LRRIQ1: variants seen among roughly 807,000 people sequenced by gnomAD.
The protein encoded by LRRIQ1 is leucine rich repeats and IQ motif containing 1, also known as leucine-rich repeat- and IQ domain-containing protein 1.
Under a neutral mutation model 211.9 loss-of-function variants are expected in LRRIQ1, and 210 were observed. The ratio of observed to expected loss-of-function variants is 0.99; its 90% confidence interval spans 0.89 to 1.11. The LOEUF (loss-of-function observed/expected upper bound fraction) is 1.11, where lower values mean the gene tolerates loss of function less well. Among genes scored for constraint, LRRIQ1 ranks in the 50% most tolerant of loss-of-function variants. LRRIQ1 has a pLI of 0.00. For missense variants in LRRIQ1, 2,136 were observed against 1,939.5 expected (o/e 1.10, Z -1.90); for synonymous variants, 699 against 650.1 (o/e 1.08, Z -1.14).
intron 6 of LRRIQ1, among the ~76,000 whole-genome samples, chr12:85,050,088 G>GA (rs1639922081): frequency 6.6e-6 from 1 of 152,054 alleles, no homozygotes; most frequent in African/African-American, 2.4e-5. Context: ...GATCTAATGT[G>GA]GACTCAGAGC....
chr12:85,063,413 A>C (rs1157024421), intron 8 of LRRIQ1, among the ~76,000 whole-genome samples: 1 of 151,714 alleles, frequency 6.6e-6, no homozygotes, highest in Non-Finnish European at 1.5e-5. Context: ...TTGTGGGTAC[A>C]TAGTAGGTAT....
intron 24 of LRRIQ1, among the ~76,000 whole-genome samples, chr12:85,191,852 C>T (rs1162542544): frequency 6.6e-6 from 1 of 151,894 alleles, no homozygotes; most frequent in African/African-American, 2.4e-5. Flanking sequence ...GTTTATTTTA[C>T]AATTCCTTAA....
At chr12:85,040,871 TAAAG>T (rs1235981163) in intron 3 of LRRIQ1, among the ~76,000 whole-genome samples, 1 of 151,572 alleles carries the variant, frequency 6.6e-6, no homozygotes, top group African/African-American at 2.4e-5. Flanking sequence ...TATTTTATAT[TAAAG>T]AAAATAAAAC....
intron 1 of LRRIQ1, among the ~76,000 whole-genome samples, chr12:85,261,073 C>G (rs139820482): frequency 8.1e-4 from 123 of 152,286 alleles, no homozygotes; most frequent in African/African-American, 2.9e-3. Flanking sequence ...GTTAGTCTCT[C>G]TACTGAGATT....
intron 26 of LRRIQ1, among the ~76,000 whole-genome samples, chr12:85,239,151 A>G (rs754195523): frequency 6.6e-6 from 1 of 152,138 alleles, no homozygotes; most frequent in African/African-American, 2.4e-5. Context: ...TCAAATTGTA[A>G]GAAATTAATT....
intron 24 of LRRIQ1, among the ~76,000 whole-genome samples, chr12:85,213,515 T>C (rs757479303): frequency 2.6e-5 from 4 of 151,954 alleles, no homozygotes; most frequent in Non-Finnish European, 4.4e-5. Context: ...TACAGAACAT[T>C]CAACAATTGG....
chr12:85,065,246 T>G lies in LRRIQ1; in HGVS notation c.2392-16T>G. The G allele has an allele frequency of 6.3e-7, 1 of 1,595,970 alleles. No homozygotes were observed. The highest frequency in any genetic ancestry group is 8.5e-7 in the Non-Finnish European group (1 of 1,171,202). On this transcript the variant is annotated splice_polypyrimidine_tract_variant and intron_variant, in intron 8 of 26. Transcript: ENST00000393217. ...TTAAATAACACTACACACTCCAATTTTCTTGGTTCCTCTAGGTTACAACAG... is the reference window on the plus strand; with the variant it reads ...TTAAATAACACTACACACTCCAATTGTCTTGGTTCCTCTAGGTTACAACAG...
intron 15 of LRRIQ1, among the ~76,000 whole-genome samples, chr12:85,112,812 T>C (rs1409805287): frequency 6.6e-6 from 1 of 152,100 alleles, no homozygotes; most frequent in Non-Finnish European, 1.5e-5. Context: ...ATAGATAAGA[T>C]CTTTTAACTT....
intron 24 of LRRIQ1, among the ~76,000 whole-genome samples, chr12:85,166,864 A>G (rs545176350): frequency 6.6e-6 from 1 of 152,290 alleles, no homozygotes; most frequent in South Asian, 2.1e-4. Context: ...TCCAACAAAC[A>G]CTATATTTTG....
At chr12:85,259,846 A>T (rs1349595527) in intron 1 of LRRIQ1, among the ~76,000 whole-genome samples, 1 of 152,090 alleles carries the variant, frequency 6.6e-6, no homozygotes, top group Non-Finnish European at 1.5e-5. Flanking sequence ...TTACGTTGTG[A>T]GTAAGTACAA....
intron 11 of LRRIQ1, among the ~76,000 whole-genome samples, chr12:85,076,971 T>C (rs1253373419): frequency 6.6e-6 from 1 of 152,140 alleles, no homozygotes; most frequent in Admixed American, 6.6e-5. Context: ...GGGATCCAAG[T>C]TTCCTGATTC....
chr12:85,154,003 T>C lies in LRRIQ1; in HGVS notation c.4638-9T>C, dbSNP rs1890397141. ...TGTTTTACCTTTATTATATTTAATC[T>C]TTTAATAGGGGCTTTAAGGATATTT... On this transcript the variant is annotated splice_polypyrimidine_tract_variant and intron_variant, in intron 22 of 26. Transcript: ENST00000393217. 2 of 1,524,990 alleles carry C rather than the reference T, an allele frequency of 1.3e-6. No homozygotes were observed. The highest frequency in any genetic ancestry group is 2.4e-5 in the East Asian group (1 of 42,476). 94.5% of individuals were successfully genotyped at this position (1,524,990 alleles called of 1,614,324 possible).
intron 1 of LRRIQ1, among the ~76,000 whole-genome samples, chr12:85,256,378 A>T (rs1896092754): frequency 6.6e-6 from 1 of 151,390 alleles, no homozygotes; most frequent in South Asian, 2.1e-4. Context: ...TATTTTTGTT[A>T]TTTTTTTCTT....
chr12:85,090,206 A>G (rs1885237813), intron 11 of LRRIQ1, among the ~76,000 whole-genome samples: 2 of 152,184 alleles, frequency 1.3e-5, no homozygotes, highest in African/African-American at 4.8e-5. Flanking sequence ...CTGCCTAGGT[A>G]TCAGAGGATG....
At chr12:85,235,191 A>G (rs1237897160) in intron 26 of LRRIQ1, among the ~76,000 whole-genome samples, 6 of 152,218 alleles carry the variant, frequency 3.9e-5, no homozygotes, top group Non-Finnish European at 8.8e-5. Flanking sequence ...GAAACAAAAT[A>G]TCATTTTCTT....
chr12:85,133,204 T>C (rs1490137676), intron 18 of LRRIQ1, among the ~76,000 whole-genome samples: 1 of 152,182 alleles, frequency 6.6e-6, no homozygotes, highest in African/African-American at 2.4e-5. Flanking sequence ...TATATGATTT[T>C]TTATATTTTT....
rs1166695175 is a variant in LRRIQ1, at chr12:85,066,763, G to C, written c.2560G>C (p.Ala854Pro). The C allele has an allele frequency of 6.3e-7, 1 of 1,592,676 alleles. No individual in the cohort carries two copies. The highest frequency in any genetic ancestry group is 8.5e-7 in the Non-Finnish European group (1 of 1,171,572). Residue 854 changes from alanine (A) to proline (P), a missense_variant, in exon 10 of 27, where the codon GCT becomes CCT. Ala to Pro is a conservative substitution (Grantham distance 27). Coordinates refer to ENST00000393217, the MANE Select transcript of LRRIQ1 (RefSeq NM_001079910.2). ...TTTGCTTCAGGAAAACCATATTGAGGCTATTGAGTGTGAAAATTTGGAAAA... is the reference window on the plus strand; with the variant it reads ...TTTGCTTCAGGAAAACCATATTGAGCCTATTGAGTGTGAAAATTTGGAAAA... ...YIDAQENHIE[A>P]IECENLENLC... is the part of the protein sequence containing the mutation.
Position 85,038,302 on chromosome 12 carries a change from T to G in LRRIQ1, c.126T>G (p.Ser42Arg), listed in dbSNP as rs770904994. 15 of 1,562,606 alleles carry G rather than the reference T, an allele frequency of 9.6e-6. No homozygotes were observed. The highest frequency in any genetic ancestry group is 2.4e-5 in the South Asian group (2 of 83,444). The change falls in exon 2 of 27, where the codon AGT (serine) becomes AGG (arginine). Residue 42 changes from serine to arginine, a missense_variant. Coordinates refer to ENST00000393217, the MANE Select transcript of LRRIQ1 (RefSeq NM_001079910.2). ...AATCAGAAACCCAGAGTGATGATAG[T>G]GATACAGTGAGTATTGCACTTTTGA... ...DAKSETQSDDSDTDSVELPES... is the reference protein window; with the variant it reads ...DAKSETQSDDRDTDSVELPES...
At chr12:85,079,728 C>G (rs533081988) in intron 11 of LRRIQ1, among the ~76,000 whole-genome samples, 3 of 152,044 alleles carry the variant, frequency 2.0e-5, no homozygotes, top group East Asian at 3.9e-4. Flanking sequence ...TGAGATTAAA[C>G]CATCTTACTA....
Sources: allele counts gnomAD v4.1 joint callset (sites outside exome capture counted in the v4.1 genomes callset), GRCh38; gene constraint gnomAD v4.1.1; transcripts MANE v1.5; gene names NCBI Gene and HGNC (gene_info 2026-07-23, HGNC 2026-07-21).